PDCD6: variants seen among roughly 807,000 people sequenced by gnomAD.
The protein encoded by PDCD6 is programmed cell death protein 6.
PDCD6 carries 12 observed loss-of-function variants against 28.3 expected under a neutral mutation model. The ratio of observed to expected loss-of-function variants is 0.42; its 90% CI spans 0.27 to 0.69. The LOEUF (loss-of-function observed/expected upper bound fraction) is 0.69. Among genes scored for constraint, PDCD6 ranks in the 30% least tolerant of loss-of-function variants. The pLI is 0.22. For missense variants in PDCD6, 226 were observed against 269.9 expected (o/e 0.84, Z 1.14); for synonymous variants, 92 against 108.0 (o/e 0.85, Z 0.92).
chr5:273,994 C>G (rs1218147039), intron 2 of PDCD6, among the ~76,000 whole-genome samples: 2 of 150,330 alleles, frequency 1.3e-5, no homozygotes, highest in African/African-American at 4.9e-5. Context: ...CAAGACGTGG[C>G]TACTAGAAAG....
chr5:284,035 G>T (rs1738768745), intron 2 of PDCD6, among the ~76,000 whole-genome samples: 1 of 152,014 alleles, frequency 6.6e-6, no homozygotes, highest in African/African-American at 2.4e-5. Context: ...TGGAGCTTAT[G>T]TTGTTTGCAT....
At chr5:293,253 A>G (rs1398549665) in intron 2 of PDCD6, among the ~76,000 whole-genome samples, 3 of 150,228 alleles carry the variant, frequency 2.0e-5, no homozygotes, top group East Asian at 2.0e-4. Context: ...GGAACAGCAC[A>G]GGGCACTGGG....
rs141561950 is a variant in PDCD6, at chr5:285,049, G to A, written c.163+12277G>A. Among the ~76,000 whole-genome samples, 482 of 146,458 alleles carry A rather than the reference G, an allele frequency of 3.3e-3. 6 individuals are homozygous for A. The highest frequency in any genetic ancestry group is 7.6e-3 in the Admixed American group (112 of 14,646). ...TCAAACTGCAACATCGGCTACCCCC[G>A]AGTCTCCAGCTGCAAGACCCTCAGA... On this transcript the variant is annotated intron_variant, in intron 2 of 5. Transcript: ENST00000264933.
intron 5 of PDCD6, among the ~76,000 whole-genome samples, chr5:313,171 A>G (rs1741036798): frequency 1.3e-5 from 2 of 152,244 alleles, no homozygotes; most frequent in African/African-American, 2.4e-5. Context: ...CGCTAGACAG[A>G]TGGGGAATGG....
intron 2 of PDCD6, among the ~76,000 whole-genome samples, chr5:281,321 A>G (rs933932015): frequency 3.9e-5 from 6 of 152,064 alleles, no homozygotes; most frequent in African/African-American, 1.2e-4. Flanking sequence ...AGCTGGTGCT[A>G]TCGCTGTTCA....
At chr5:308,941 C>T (rs116806193) in intron 4 of PDCD6, 2,652 of 154,534 alleles carry the variant, frequency 0.017, 74 homozygotes, top group African/African-American at 0.06. Context: ...CACCCGGCAC[C>T]GGGACAGCTG....
chr5:279,836 G>C (rs1001250089), intron 2 of PDCD6, among the ~76,000 whole-genome samples: 30 of 144,446 alleles, frequency 2.1e-4, no homozygotes, highest in African/African-American at 6.9e-4. Flanking sequence ...TTCATTAATA[G>C]TAATGGCAAA....
chr5:299,322 G>T (rs10440690), intron 2 of PDCD6, among the ~76,000 whole-genome samples: 2 of 102,264 alleles, frequency 2.0e-5, no homozygotes, highest in African/African-American at 6.6e-5. Context: ...ACCCGTTCCT[G>T]TGGCATCCCC....
At chr5:292,851 G>A (rs775655770) in intron 2 of PDCD6, among the ~76,000 whole-genome samples, 3 of 152,154 alleles carry the variant, frequency 2.0e-5, no homozygotes, top group Non-Finnish European at 4.4e-5. Flanking sequence ...GCCATGGTTG[G>A]CTCAGCTGAA....
intron 2 of PDCD6, among the ~76,000 whole-genome samples, chr5:297,189 G>C (rs1739674996): frequency 6.6e-6 from 1 of 152,184 alleles, no homozygotes; most frequent in South Asian, 2.1e-4. Context: ...ACCACACCAG[G>C]ATTCGTACAT....
intron 2 of PDCD6, among the ~76,000 whole-genome samples, chr5:280,944 G>C (rs1451093564): frequency 6.6e-6 from 1 of 152,260 alleles, no homozygotes; most frequent in Non-Finnish European, 1.5e-5. Flanking sequence ...TTAAGGAGGG[G>C]AGTAACAGTT....
chr5:308,267 G>A (rs1184236161), intron 4 of PDCD6: 5 of 152,318 alleles, frequency 3.3e-5, no homozygotes, highest in Non-Finnish European at 7.3e-5. Context: ...TCCTCAGAAT[G>A]TGCAGTGGAA....
At chr5:300,653 C>T (rs1210043322) in intron 2 of PDCD6, among the ~76,000 whole-genome samples, 13 of 152,222 alleles carry the variant, frequency 8.5e-5, no homozygotes, top group Admixed American at 3.3e-4. Context: ...AATGCCTGTG[C>T]GCCACGGTGC....
In PDCD6 at chr5:289,880, G is replaced by A. The variant is rs569472315; in HGVS notation, c.164-14297G>A. The A allele has an allele frequency of 5.3e-6, 8 of 1,512,286 alleles. No homozygotes were observed. The Admixed American group carries it at 6.7e-5, about 13-fold the overall frequency. 93.7% of individuals were successfully genotyped at this position (1,512,286 alleles called of 1,614,324 possible). On this transcript the variant is annotated intron_variant, in intron 2 of 5. Coordinates refer to ENST00000264933, the MANE Select transcript of PDCD6 (RefSeq NM_013232.4). ...CCAGGAAACATAACACCATTCATTC[G>A]ATTTAAACTATTGGAATTGTTTTTC... is the stretch of plus-strand genomic sequence containing the variant.
rs550470727 is a variant in PDCD6 at position 288,838 on chromosome 5, G to A, written c.164-15339G>A. 225 of 1,436,856 alleles carry A rather than the reference G, an allele frequency of 1.6e-4. No homozygotes were observed. In the African/African-American group the frequency reaches 2.9e-3, roughly 18 times the overall value. 89.0% of individuals were successfully genotyped at this position (1,436,856 alleles called of 1,614,324 possible). A position where few individuals can be genotyped will look rare whatever the true frequency, so the allele number is the denominator to read the frequency against. ...CATCTAAATGTTTCTAAATAGTCTTGTTCCATTGGTTCATCGGTGACTTCT... is the reference window on the plus strand; with the variant it reads ...CATCTAAATGTTTCTAAATAGTCTTATTCCATTGGTTCATCGGTGACTTCT... On this transcript the variant is annotated intron_variant, in intron 2 of 5. Transcript: ENST00000264933.
chr5:274,243 C>A (rs1178333612), intron 2 of PDCD6, among the ~76,000 whole-genome samples: 1 of 152,222 alleles, frequency 6.6e-6, no homozygotes, highest in Non-Finnish European at 1.5e-5. Context: ...ATGAGTGATG[C>A]AAGATTTATG....
chr5:294,374 T>TATTAAAGAGAGGGCAGATATTG (rs1739475637), intron 2 of PDCD6, among the ~76,000 whole-genome samples: 1 of 151,156 alleles, frequency 6.6e-6, no homozygotes, highest in Non-Finnish European at 1.5e-5. Flanking sequence ...AAAGCCCCAG[T>TATTAAAGAGAGGGCAGATATTG]ATTAAAGAGA....
intron 2 of PDCD6, among the ~76,000 whole-genome samples, chr5:285,132 T>C (rs1738861934): frequency 6.6e-6 from 1 of 150,458 alleles, no homozygotes; most frequent in Non-Finnish European, 1.5e-5. Flanking sequence ...CTGGAACAGT[T>C]TGAACCTGGT....
intron 2 of PDCD6, among the ~76,000 whole-genome samples, chr5:292,830 T>G (rs769926334): frequency 6.6e-6 from 1 of 152,164 alleles, no homozygotes. Flanking sequence ...GGATCTCCCT[T>G]ATGCATTTCT....
Sources: allele counts gnomAD v4.1 joint callset (sites outside exome capture counted in the v4.1 genomes callset), GRCh38; gene constraint gnomAD v4.1.1; transcripts MANE v1.5; gene names NCBI Gene and HGNC (gene_info 2026-07-23, HGNC 2026-07-21).